The following CCNY variants were observed in gnomAD, a reference collection of about 807,000 sequenced individuals.
The protein encoded by CCNY is cyclin Y, also known as cyclin-Y.
In CCNY, 19 loss-of-function variants were observed where a neutral mutation model predicts 42.8. The ratio of observed to expected loss-of-function variants is 0.44; its 90% CI spans 0.31 to 0.65. The LOEUF (loss-of-function observed/expected upper bound fraction) is 0.65, where lower values mean the gene tolerates loss of function less well. CCNY is among the 30% of genes least tolerant of loss of function. The pLI is 0.07. For missense variants in CCNY, 370 were observed against 437.3 expected, an observed-to-expected ratio of 0.85 and a Z score of 1.37; for synonymous variants, 165 against 162.7, an observed-to-expected ratio of 1.01 and a Z score of -0.11.
chr10:35,291,875 T>G (rs1835417910), intron 3 of CCNY, among the ~76,000 whole-genome samples: 1 of 152,160 alleles, frequency 6.6e-6, no homozygotes, highest in Non-Finnish European at 1.5e-5. Context: ...TTATTTCTCT[T>G]GGGCATATAT....
intron 3 of CCNY, among the ~76,000 whole-genome samples, chr10:35,281,234 C>T (rs1265371125): frequency 6.6e-6 from 1 of 152,124 alleles, no homozygotes. Flanking sequence ...GGTATGCACC[C>T]AAAAGAAATG....
chr10:35,482,625 T>C (rs780011866), intron 1 of CCNY, among the ~76,000 whole-genome samples: 4 of 152,162 alleles, frequency 2.6e-5, no homozygotes, highest in Non-Finnish European at 2.9e-5. Flanking sequence ...TGGAGTCTTA[T>C]GTCCCATAAG....
intron 3 of CCNY, among the ~76,000 whole-genome samples, chr10:35,503,098 C>T (rs1025855115): frequency 5.3e-5 from 8 of 152,142 alleles, no homozygotes; most frequent in South Asian, 4.1e-4. Context: ...CCCCACCCCC[C>T]CAACAGGCAC....
chr10:35,429,475 A>G (rs1838337936), intron 1 of CCNY, among the ~76,000 whole-genome samples: 1 of 152,216 alleles, frequency 6.6e-6, no homozygotes, highest in Non-Finnish European at 1.5e-5. Flanking sequence ...AATAATTTTG[A>G]GTTATAAAGG....
chr10:35,426,258 C>G (rs940450563), intron 1 of CCNY, among the ~76,000 whole-genome samples: 4 of 152,016 alleles, frequency 2.6e-5, no homozygotes, highest in African/African-American at 9.7e-5. Flanking sequence ...CACACAAACA[C>G]ACAAACACAC....
chr10:35,307,794 GTGTGTGTA>G lies in CCNY; in HGVS notation c.-9+57170_-9+57177del, dbSNP rs1203234001. On this transcript the variant is annotated intron_variant, in intron 3 of 11. Transcript: ENST00000374706. ...TGTGTGTGTGTGTGTGTGTGTGTGT[GTGTGTGTA>G]TATATATATATATATATTTTTTTTT... is the stretch of plus-strand genomic sequence containing the variant. Among the ~76,000 whole-genome samples the G allele has an allele frequency of 4.4e-3, 340 of 77,400 alleles. 1 individual carries two copies. Among genetic ancestry groups the G allele is most frequent in the African/African-American group, 0.021 (313 of 15,126 alleles). The allele number at this position is 77,400 out of a possible 152,430, so 50.8% of individuals were successfully genotyped here.
chr10:35,333,829 C>T (rs879585865), upstream of CCNY, among the ~76,000 whole-genome samples: 4 of 152,054 alleles, frequency 2.6e-5, no homozygotes, highest in African/African-American at 4.8e-5. Context: ...CACTGTGTGT[C>T]AGGCAGGGAG....
intron 2 of CCNY, 33 bp downstream of exon 2, chr10:35,483,511 A>G (rs776420983): frequency 1.4e-6 from 2 of 1,389,760 alleles, no homozygotes; most frequent in Admixed American, 3.6e-5. Context: ...TTTTTGTAAA[A>G]AAGGCTCATG....
chr10:35,266,847 G>A (rs1408168046), intron 3 of CCNY, among the ~76,000 whole-genome samples: 1 of 152,036 alleles, frequency 6.6e-6, no homozygotes, highest in Non-Finnish European at 1.5e-5. Flanking sequence ...ACTTTGGAAG[G>A]CCGAGGCAGG....
intron 1 of CCNY, among the ~76,000 whole-genome samples, chr10:35,465,571 T>C (rs950123092): frequency 2.6e-5 from 4 of 152,186 alleles, no homozygotes; most frequent in Non-Finnish European, 5.9e-5. Context: ...CACCCAGGGC[T>C]TTCCAAGGTG....
chr10:35,334,575 C>T (rs1458732979), upstream of CCNY, among the ~76,000 whole-genome samples: 4 of 152,208 alleles, frequency 2.6e-5, no homozygotes, highest in Non-Finnish European at 1.5e-5. Context: ...GTTGTCTACC[C>T]ACCCTCTCCA....
intron 1 of CCNY, among the ~76,000 whole-genome samples, chr10:35,431,838 T>C (rs1231470540): frequency 6.6e-6 from 1 of 152,052 alleles, no homozygotes; most frequent in East Asian, 1.9e-4. Context: ...TCCTAGTTTT[T>C]TGTTGTTTTT....
chr10:35,345,899 A>G (rs1168093363), intron 1 of CCNY, among the ~76,000 whole-genome samples: 1 of 152,318 alleles, frequency 6.6e-6, no homozygotes, highest in Middle Eastern at 3.4e-3. Context: ...GATGCCACAC[A>G]GGAGCAGTGG....
At chr10:35,349,671 C>T (rs1836386025) in intron 1 of CCNY, among the ~76,000 whole-genome samples, 2 of 152,158 alleles carry the variant, frequency 1.3e-5, no homozygotes, top group Admixed American at 1.3e-4. Context: ...CAGGGTTTCT[C>T]CCTCCCAGCA....
chr10:35,506,648 A>G (rs1323056859), intron 3 of CCNY, among the ~76,000 whole-genome samples: 2 of 152,210 alleles, frequency 1.3e-5, no homozygotes, highest in Non-Finnish European at 2.9e-5. Flanking sequence ...ATTCAAATAC[A>G]GGGCAGCCGA....
intron 1 of CCNY, among the ~76,000 whole-genome samples, chr10:35,401,548 A>G (rs1025812164): frequency 6.6e-6 from 1 of 150,772 alleles, no homozygotes; most frequent in Admixed American, 6.6e-5. Flanking sequence ...AAGCAAAGGC[A>G]TCTTCCTTTC....
chr10:35,282,987 G>A (rs1835314845), intron 3 of CCNY, among the ~76,000 whole-genome samples: 1 of 152,108 alleles, frequency 6.6e-6, no homozygotes, highest in South Asian at 2.1e-4. Flanking sequence ...TTTGATTACT[G>A]AGATGTGCTG....
intron 3 of CCNY, among the ~76,000 whole-genome samples, chr10:35,308,397 T>TA (rs1835640127): frequency 6.6e-6 from 1 of 151,598 alleles, no homozygotes; most frequent in Admixed American, 6.6e-5. Context: ...AACTAAAAAG[T>TA]AAAAAACAGC....
intron 1 of CCNY, among the ~76,000 whole-genome samples, chr10:35,343,020 T>A (rs1053661220): frequency 3.3e-5 from 5 of 150,464 alleles, no homozygotes; most frequent in African/African-American, 7.4e-5. Flanking sequence ...TTTTTTTTTT[T>A]AAGACAGGGT....
Sources: gnomAD v4.1 joint callset for allele counts (sites outside exome capture counted in the v4.1 genomes callset) on GRCh38, gnomAD v4.1.1 for gene constraint, MANE v1.5 for transcripts, NCBI Gene and HGNC (gene_info 2026-07-23, HGNC 2026-07-21) for gene names.